Variants in ATP2A1 observed in about 807,000 individuals in gnomAD.
ATP2A1 encodes ATPase sarcoplasmic/endoplasmic reticulum Ca2+ transporting 1.
In ATP2A1, 83 loss-of-function variants were observed where a neutral mutation model predicts 109.5. The ratio of observed to expected loss-of-function variants is 0.76; its 90% CI spans 0.63 to 0.91. ATP2A1 has a LOEUF of 0.91. Ranked by LOEUF, ATP2A1 falls within the 40% of genes least tolerant of loss-of-function variation. ATP2A1 has a pLI of 0.00. For synonymous variants in ATP2A1, 505 were observed against 537.6 expected, an observed-to-expected ratio of 0.94 and a Z score of 0.84; for missense variants, 1,101 against 1,341.0, an observed-to-expected ratio of 0.82 and a Z score of 2.80.
chr16:28,880,922 C>T lies in ATP2A1; in HGVS notation c.227C>T (p.Ala76Val). 1 of 1,614,196 alleles carries T rather than the reference C, an allele frequency of 6.2e-7. No individual in the cohort carries two copies. The highest frequency in any genetic ancestry group is 8.5e-7 in the Non-Finnish European group (1 of 1,179,984). Residue 76 changes from alanine (A) to valine (V), a missense_variant, in exon 4 of 23, where the codon GCC (alanine) becomes GTC (valine). Coordinates refer to ENST00000395503, the MANE Select transcript of ATP2A1 (RefSeq NM_004320.6). This position sits in a 1 kb window ranked among gnomAD's most constrained non-coding sequence, Gnocchi z 4.2. ...CTTTCCCCTGCTCCCCAGGTGCTGGCCTGGTTTGAGGAAGGTGAAGAGACC... is the reference window on the plus strand; with the variant it reads ...CTTTCCCCTGCTCCCCAGGTGCTGGTCTGGTTTGAGGAAGGTGAAGAGACC... ...LLAACISFVLAWFEEGEETIT... is the reference protein window; with the variant it reads ...LLAACISFVLVWFEEGEETIT...
Position 28,879,532 on chromosome 16 carries a change from G to A in ATP2A1, c.168G>A (p.Gln56=). The change falls in exon 3 of 23, where the codon CAG becomes CAA. Residue 56 remains glutamine (Q), a synonymous_variant. Coordinates refer to ENST00000395503, the MANE Select transcript of ATP2A1 (RefSeq NM_004320.6). ...GKTLWELVIE[Q]FEDLLVRILL... ...CCCTGTGGGAGCTGGTGATAGAGCAGTTTGAAGACCTCCTGGTGCGGATTC... is the reference window on the plus strand; with the variant it reads ...CCCTGTGGGAGCTGGTGATAGAGCAATTTGAAGACCTCCTGGTGCGGATTC... 6.2e-7 allele frequency: 1 copy of A among 1,614,202 alleles called. No homozygotes were observed. The highest frequency in any genetic ancestry group is 2.2e-5 in the East Asian group (1 of 44,862).
At chr16:28,895,616 A>G (rs1352678144) in intron 12 of ATP2A1, among the ~76,000 whole-genome samples, 3 of 151,988 alleles carry the variant, frequency 2.0e-5, no homozygotes, top group African/African-American at 4.8e-5. Flanking sequence ...ACTTGAGCCC[A>G]GGAGTTTAAG....
Position 28,888,787 on chromosome 16 carries a change from G to C in ATP2A1, c.929G>C (p.Gly310Ala). 6.2e-7 allele frequency: 1 copy of C among 1,613,690 alleles called. No individual in the cohort carries two copies. The highest frequency in any genetic ancestry group is 2.2e-5 in the East Asian group (1 of 44,880). The change falls in exon 9 of 23, where the codon GGT becomes GCT. Residue 310 changes from glycine (G) to alanine (A), a missense_variant and splice_region_variant. Gly to Ala is a moderately conservative substitution (Grantham distance 60). Transcript: ENST00000395503. ...TCACACCCTCCCTCCCTCCCCACAG[G>C]TCTTCCTGCAGTCATCACCACCTGC... The part of the protein sequence containing the change: ...VALAVAAIPE[G>A]LPAVITTCLA...
chr16:28,879,456 C>T, intron 2 of ATP2A1, 45 bp from the exon 3 acceptor site: 1 of 1,574,812 alleles, frequency 6.3e-7, no homozygotes, highest in South Asian at 1.1e-5. Flanking sequence ...AGACCTTCAC[C>T]CACTAGACCT....
Position 28,903,595 on chromosome 16 carries a change from C to A in ATP2A1, c.2981-105C>A. 2 of 1,209,214 alleles carry A rather than the reference C, an allele frequency of 1.7e-6. No individual in the cohort carries two copies. The highest frequency in any genetic ancestry group is 2.3e-5 in the East Asian group (1 of 43,056). The allele number at this position is 1,209,214 out of a possible 1,614,324, so 74.9% of individuals were successfully genotyped here. Reference sequence around the variant, plus strand: ...GTTCCCCCTGCGCCTGCAGGGGCCACATCTCCGGGGCAGCCCCACTGCCTC... The same window carrying A: ...GTTCCCCCTGCGCCTGCAGGGGCCAAATCTCCGGGGCAGCCCCACTGCCTC... On this transcript the variant is annotated intron_variant, in intron 21 of 22. Transcript: ENST00000395503. The surrounding 1 kb of genome is among the most constrained non-coding windows in gnomAD (Gnocchi z 5.6).
intron 14 of ATP2A1, among the ~76,000 whole-genome samples, chr16:28,899,982 C>A (rs78073659): frequency 5.2e-4 from 68 of 131,962 alleles, no homozygotes; most frequent in South Asian, 1.8e-3. Flanking sequence ...AAAACAAAAA[C>A]AAAAACAAAA....
Position 28,879,423 on chromosome 16 carries a change from C to T in ATP2A1, c.137-78C>T. 7.4e-6 allele frequency: 10 copies of T among 1,352,790 alleles called. No homozygotes were observed. In the South Asian group the frequency reaches 8.2e-5, roughly 11 times the overall value. The allele number at this position is 1,352,790 out of a possible 1,614,324, so 83.8% of individuals were successfully genotyped here. Reference sequence around the variant, plus strand: ...ACCCTAGAGCCTCCCCACTGCAGGCCGGAGTCCAGGGCGCTCCATCCCAGA... The same window carrying T: ...ACCCTAGAGCCTCCCCACTGCAGGCTGGAGTCCAGGGCGCTCCATCCCAGA... On this transcript the variant is annotated intron_variant, in intron 2 of 22. Transcript: ENST00000395503.
chr16:28,889,772 G>A (rs955437958), intron 9 of ATP2A1, among the ~76,000 whole-genome samples: 5 of 152,186 alleles, frequency 3.3e-5, no homozygotes, highest in African/African-American at 1.2e-4. Flanking sequence ...TCCTAAAGCA[G>A]GGCTCTTAAT....
In ATP2A1 at chr16:28,902,613, C is replaced by T. The variant is rs1252557874; in HGVS notation, c.2558C>T (p.Ala853Val). 1.2e-6 allele frequency: 2 copies of T among 1,614,102 alleles called. No homozygotes were observed. Among genetic ancestry groups the T allele is most frequent in the African/African-American group, 1.3e-5 (1 of 75,020 alleles). Residue 853 changes from alanine (A) to valine (V), a missense_variant, in exon 18 of 23, where the codon GCC becomes GTC. Ala to Val is a moderately conservative substitution (Grantham distance 64). Coordinates refer to ENST00000395503, the MANE Select transcript of ATP2A1 (RefSeq NM_004320.6). This position sits in a 1 kb window ranked among gnomAD's most constrained non-coding sequence, Gnocchi z 4.8. ...YVGAATVGAA[A>V]WWFLYAEDGP... ...GGTGCAGCCACCGTGGGAGCAGCTG[C>T]CTGGTGGTTCCTGTACGCTGAGGAT...
intron 3 of ATP2A1, chr16:28,879,827 C>T (rs1417253925): frequency 1.6e-6 from 1 of 632,498 alleles, no homozygotes; most frequent in South Asian, 2.0e-5. Context: ...GCTAAGCCAC[C>T]CTCGCGGCTT....
intron 6 of ATP2A1, among the ~76,000 whole-genome samples, chr16:28,886,487 C>A (rs973848165): frequency 2.6e-5 from 4 of 152,092 alleles, no homozygotes. Context: ...GAGGCATGGT[C>A]GTAAGTGTAG....
chr16:28,888,919 G>T lies in ATP2A1; in HGVS notation c.1061G>T (p.Gly354Val), dbSNP rs1963693181. 6.2e-7 allele frequency: 1 copy of T among 1,614,122 alleles called. No individual in the cohort carries two copies. The highest frequency in any genetic ancestry group is 1.3e-5 in the African/African-American group (1 of 75,034). ...TCTGTCATCTGTTCCGACAAGACAGGCACCCTCACCACCAACCAGATGTCT... is the reference window on the plus strand; with the variant it reads ...TCTGTCATCTGTTCCGACAAGACAGTCACCCTCACCACCAACCAGATGTCT... The part of the protein sequence containing the change: ...CTSVICSDKT[G>V]TLTTNQMSVC... The change falls in exon 9 of 23, where the codon GGC (glycine) becomes GTC (valine). Residue 354 changes from glycine to valine, a missense_variant. By Grantham distance (109) the Gly-to-Val change is moderately radical. Transcript: ENST00000395503.
At chr16:28,881,139 C>A in intron 4 of ATP2A1, 120 bp downstream of exon 4, 1 of 1,024,446 alleles carries the variant, frequency 9.8e-7, no homozygotes. Context: ...CTGGTCCTAT[C>A]CCCTGGTCTG....
intron 9 of ATP2A1, 59 bp from the exon 10 acceptor site, chr16:28,894,096 G>T: frequency 6.8e-7 from 1 of 1,472,276 alleles, no homozygotes; most frequent in South Asian, 1.2e-5. Flanking sequence ...CTTGATGCAG[G>T]TGCCCACCTT....
In ATP2A1 at chr16:28,902,350, A is replaced by G; in HGVS notation, c.2488A>G (p.Ser830Gly). Residue 830 changes from serine to glycine, a missense_variant, in exon 17 of 23, where the codon AGT becomes GGT. Ser to Gly is a moderately conservative substitution (Grantham distance 56). Transcript: ENST00000395503. The surrounding 1 kb of genome is among the most constrained non-coding windows in gnomAD (Gnocchi z 4.8). ...PPRSPKEPLI[S>G]GWLFFRYMAI... ...CCGGAGCCCCAAGGAGCCCCTCATC[A>G]GTGGCTGGCTCTTCTTCCGCTACAT... 6.2e-7 allele frequency: 1 copy of G among 1,613,806 alleles called. No individual in the cohort carries two copies. The highest frequency in any genetic ancestry group is 8.5e-7 in the Non-Finnish European group (1 of 1,179,910).
At chr16:28,881,771 C>T (rs1208756599) in intron 4 of ATP2A1, among the ~76,000 whole-genome samples, 1 of 147,148 alleles carries the variant, frequency 6.8e-6, no homozygotes, top group African/African-American at 2.5e-5. Flanking sequence ...AATTGCACTC[C>T]AGCATGGGCA....
At chr16:28,892,287 G>T (rs1448440249) in intron 9 of ATP2A1, 1 of 259,316 alleles carries the variant, frequency 3.9e-6, no homozygotes, top group Admixed American at 5.0e-5. Flanking sequence ...TTTTTTCTTG[G>T]CTATCTCAGT....
chr16:28,901,632 C>CA (rs59667004), intron 15 of ATP2A1, among the ~76,000 whole-genome samples: 9 of 147,122 alleles, frequency 6.1e-5, no homozygotes, highest in East Asian at 4.0e-4. Context: ...GACTCCGTCT[C>CA]AAAAAAAAAA....
At position 28,902,559 on chromosome 16, in the gene ATP2A1, A is replaced by G; in HGVS notation, c.2525-21A>G. 6.2e-7 allele frequency: 1 copy of G among 1,610,662 alleles called. No individual in the cohort carries two copies. The highest frequency in any genetic ancestry group is 8.5e-7 in the Non-Finnish European group (1 of 1,178,536). On this transcript the variant is annotated intron_variant, in intron 17 of 22. Coordinates refer to ENST00000395503, the MANE Select transcript of ATP2A1 (RefSeq NM_004320.6). This position sits in a 1 kb window ranked among gnomAD's most constrained non-coding sequence, Gnocchi z 4.8. ...CCTATCTCCCCAGCCCTGACCCCCG[A>G]CTCCCCTCTCTCCACCACAGGCTAT...
Sources: gnomAD v4.1 joint callset for allele counts (sites outside exome capture counted in the v4.1 genomes callset) on GRCh38, gnomAD v4.1.1 for gene constraint, Gnocchi (gnomAD v3.1) non-coding constraint, MANE v1.5 for transcripts, NCBI Gene and HGNC (gene_info 2026-07-23, HGNC 2026-07-21) for gene names.